Variants in DEPDC1 observed in about 807,000 individuals in gnomAD.
DEPDC1 encodes DEP domain-containing protein 1A.
Under a neutral mutation model 86.8 loss-of-function variants are expected in DEPDC1, and 66 were observed. That is an observed-to-expected ratio of 0.76 (90% CI 0.62 to 0.93). The LOEUF is 0.93. DEPDC1 is among the 40% of genes least tolerant of loss of function. The pLI, the probability that DEPDC1 is intolerant of heterozygous loss-of-function variation, is 0.00. For synonymous variants in DEPDC1, 255 were observed against 314.9 expected (o/e 0.81, Z 2.02); for missense variants, 792 against 935.7 (o/e 0.85, Z 2.00).
chr1:68,475,545 A>G lies in DEPDC1; in HGVS notation c.*1387T>C, dbSNP rs1469035759. On this transcript the variant is annotated 3_prime_UTR_variant, in exon 12 of 12. Coordinates refer to ENST00000456315, the MANE Select transcript of DEPDC1 (RefSeq NM_001114120.3). ...ATGGAATACTATCATTTTATAGAGA[A>G]ACAGTATGAAATTACATTGAGAAAT... The G allele has an allele frequency of 6.6e-6, 1 of 151,790 alleles. No homozygotes were observed. 9.4% of individuals were successfully genotyped at this position (151,790 alleles called of 1,614,324 possible).
chr1:68,476,976 G>A lies in DEPDC1; in HGVS notation c.2392C>T (p.Pro798Ser), dbSNP rs1646119906. ...LFGDKPTIKQ[P>S]MLILRKPKFR... is the part of the protein sequence containing the mutation. Reference sequence around the variant, plus strand: ...TTTGGTTTTCTTAAAATCAGCATTGGTTGCTTGATTGTAGGTTTGTCACCA... The same window carrying A: ...TTTGGTTTTCTTAAAATCAGCATTGATTGCTTGATTGTAGGTTTGTCACCA... The change falls in exon 12 of 12, where the codon CCA becomes TCA. Residue 798 changes from proline (P) to serine (S), a missense_variant. Transcript: ENST00000456315. 1.2e-6 allele frequency: 2 copies of A among 1,604,760 alleles called. No homozygotes were observed. Among genetic ancestry groups the A allele is most frequent in the Admixed American group, 3.4e-5 (2 of 59,232 alleles).
intron 10 of DEPDC1, among the ~76,000 whole-genome samples, chr1:68,478,751 T>C (rs1341810217): frequency 6.6e-6 from 1 of 151,944 alleles, no homozygotes; most frequent in Non-Finnish European, 1.5e-5. Flanking sequence ...AGGCCCTATC[T>C]CCATCCTACT....
intron 2 of DEPDC1, among the ~76,000 whole-genome samples, chr1:68,491,171 A>G (rs1646226735): frequency 1.3e-5 from 2 of 152,212 alleles, no homozygotes; most frequent in African/African-American, 2.4e-5. Flanking sequence ...AACAAAAGCA[A>G]AAATTGACAA....
rs749779790 is a variant in DEPDC1, at chr1:68,488,346, A to C, written c.721+28T>G. The stretch of plus-strand genomic sequence containing the variant: ...CTGCAACCTTGTTGGCAAGTTTTTA[A>C]AAGTCCAATTATTTTATTAATACCA... On this transcript the variant is annotated intron_variant, in intron 5 of 11. Transcript: ENST00000456315. The C allele has an allele frequency of 1.6e-5, 25 of 1,551,988 alleles. No homozygotes were observed. The Admixed American group carries it at 5.2e-4, about 32-fold the overall frequency.
Position 68,482,606 on chromosome 1 carries a change from T to G in DEPDC1, c.1202A>C (p.His401Pro), listed in dbSNP as rs1458463668. The G allele has an allele frequency of 3.7e-6, 6 of 1,612,984 alleles. No individual in the cohort carries two copies. The highest frequency in any genetic ancestry group is 5.1e-6 in the Non-Finnish European group (6 of 1,179,300). Residue 401 changes from histidine (H) to proline (P), a missense_variant, in exon 8 of 12, where the codon CAT (histidine) becomes CCT (proline). Coordinates refer to ENST00000456315, the MANE Select transcript of DEPDC1 (RefSeq NM_001114120.3). ...CATATTACTTAACCCTATTAAATTA[T>G]GACAACTTCCTCCCATTATGTCATT... ...SANDIMGGSC[H>P]NLIGLSNMHD...
chr1:68,495,868 A>G (rs1287602231), intron 1 of DEPDC1, among the ~76,000 whole-genome samples: 2 of 152,228 alleles, frequency 1.3e-5, no homozygotes, highest in Non-Finnish European at 2.9e-5. Context: ...ACTAGTAAGC[A>G]TTCAGTGCAT....
intron 5 of DEPDC1, among the ~76,000 whole-genome samples, chr1:68,488,170 T>C (rs11209305): frequency 0.47 from 71,593 of 151,608 alleles, 18,121 homozygotes; most frequent in Middle Eastern, 0.76. Context: ...TGAATTTATC[T>C]TAGCAGACAA....
intron 5 of DEPDC1, 75 bp downstream of exon 5, chr1:68,488,299 G>T: frequency 7.4e-7 from 1 of 1,352,402 alleles, no homozygotes; most frequent in South Asian, 1.8e-5. Context: ...CAATATTTGG[G>T]TCTCTCTTTA....
intron 8 of DEPDC1, 139 bp from the exon 9 acceptor site, chr1:68,481,751 T>C: frequency 1.4e-6 from 1 of 735,900 alleles, no homozygotes; most frequent in Non-Finnish European, 2.1e-6. Context: ...ATTACGTTCC[T>C]CTAAAGCATG....
chr1:68,480,291 T>G (rs1180097675), intron 9 of DEPDC1, among the ~76,000 whole-genome samples: 1 of 141,464 alleles, frequency 7.1e-6, no homozygotes, highest in Non-Finnish European at 1.6e-5. Flanking sequence ...CACCCCTCAT[T>G]CTAAAATACT....
In DEPDC1 at chr1:68,496,457, G is replaced by C. The variant is rs1282157984; in HGVS notation, c.48+495C>G. ...CAGAAATACCGTTTTGAAACAGGCAGCTGTTATCCTAGTGCTATTCGGCCG... is the reference window on the plus strand; with the variant it reads ...CAGAAATACCGTTTTGAAACAGGCACCTGTTATCCTAGTGCTATTCGGCCG... On this transcript the variant is annotated intron_variant, in intron 1 of 11. Coordinates refer to ENST00000456315, the MANE Select transcript of DEPDC1 (RefSeq NM_001114120.3). This position sits in a 1 kb window ranked among gnomAD's most constrained non-coding sequence, Gnocchi z 4.0. Among the ~76,000 whole-genome samples the C allele has an allele frequency of 6.6e-6, 1 of 152,206 alleles. No individual in the cohort carries two copies. The highest frequency in any genetic ancestry group is 1.5e-5 in the Non-Finnish European group (1 of 68,042).
At position 68,489,461 on chromosome 1, in the gene DEPDC1, A is replaced by T; in HGVS notation, c.462T>A (p.His154Gln). 1 of 1,502,530 alleles carries T rather than the reference A, an allele frequency of 6.7e-7. No individual in the cohort carries two copies. The allele number at this position is 1,502,530 out of a possible 1,614,324, so 93.1% of individuals were successfully genotyped here. Residue 154 changes from histidine (H) to glutamine (Q), a missense_variant, in exon 3 of 12, where the codon CAT becomes CAA. Transcript: ENST00000456315. Reference sequence around the variant, plus strand: ...TAAAAGGATGTGTTACCTGAGATAAATGTAATCCATGCCTTTTAGGAGTTC... The same window carrying T: ...TAAAAGGATGTGTTACCTGAGATAATTGTAATCCATGCCTTTTAGGAGTTC... Reference protein sequence around the residue: ...SRRTPKRHGLHLSQENGEKIK... With the variant: ...SRRTPKRHGLQLSQENGEKIK...
chr1:68,490,069 G>C (rs760054434), intron 2 of DEPDC1, among the ~76,000 whole-genome samples: 2 of 152,080 alleles, frequency 1.3e-5, no homozygotes, highest in African/African-American at 4.8e-5. Flanking sequence ...ACCCATGTAT[G>C]TAACTGGCAA....
chr1:68,483,143 C>A, intron 7 of DEPDC1: 1 of 550,030 alleles, frequency 1.8e-6, no homozygotes, highest in Non-Finnish European at 3.3e-6. Context: ...ATTTCAACAG[C>A]CTAATTAAAT....
chr1:68,482,083 A>T lies in DEPDC1; in HGVS notation c.1725T>A (p.Ser575=). ...TCAACATAGAAGAAGCTGGAAGTAAAGAATTTTCTGAAAGTTCTATTGTAC... is the reference window on the plus strand; with the variant it reads ...TCAACATAGAAGAAGCTGGAAGTAATGAATTTTCTGAAAGTTCTATTGTAC... ...CKSTIELSEN[S]LLPASSMLTG... is the part of the protein sequence containing the mutation. Residue 575 remains serine, a synonymous_variant, in exon 8 of 12, where the codon TCT becomes TCA. Transcript: ENST00000456315. 1 of 1,603,844 alleles carries T rather than the reference A, an allele frequency of 6.2e-7. No individual in the cohort carries two copies. Among genetic ancestry groups the T allele is most frequent in the Non-Finnish European group, 8.5e-7 (1 of 1,176,616 alleles).
chr1:68,479,122 T>G (rs2100243531), intron 10 of DEPDC1, 22 bp downstream of exon 10: 1 of 1,583,120 alleles, frequency 6.3e-7, no homozygotes, highest in East Asian at 2.3e-5. Context: ...TTGCAGAGAA[T>G]TTTAAGACTC....
chr1:68,493,726 G>C (rs1646243937), intron 2 of DEPDC1, among the ~76,000 whole-genome samples: 1 of 152,076 alleles, frequency 6.6e-6, no homozygotes, highest in Non-Finnish European at 1.5e-5. Flanking sequence ...TGTTATCATT[G>C]TTATTTTTTG....
chr1:68,474,445 TATG>T lies in DEPDC1; in HGVS notation c.*2484_*2486del, dbSNP rs1646101546. The T allele has an allele frequency of 6.6e-6, 1 of 152,064 alleles. No individual in the cohort carries two copies. Among genetic ancestry groups the T allele is most frequent in the Admixed American group, 6.6e-5 (1 of 15,236 alleles). 9.4% of individuals were successfully genotyped at this position (152,064 alleles called of 1,614,324 possible). On this transcript the variant is annotated 3_prime_UTR_variant, in exon 12 of 12. Transcript: ENST00000456315. ...ATAACATAAGAAGAGTGGGTCATTA[TATG>T]ATACCAATTAGAAGATATTAGGGAT...
Position 68,494,520 on chromosome 1 carries a change from A to T in DEPDC1, c.224T>A (p.Leu75Gln), listed in dbSNP as rs1441332612. The T allele has an allele frequency of 6.2e-7, 1 of 1,613,618 alleles. No individual in the cohort carries two copies. The highest frequency in any genetic ancestry group is 8.5e-7 in the Non-Finnish European group (1 of 1,179,784). ...PEVTRQQTIQ[L>Q]LRKFLKNHVI... ...ATGATTCTTAAGAAATTTCCTCAACAGTTGGATAGTCTGTTGCCTTGTAAC... is the reference window on the plus strand; with the variant it reads ...ATGATTCTTAAGAAATTTCCTCAACTGTTGGATAGTCTGTTGCCTTGTAAC... Residue 75 changes from leucine (L) to glutamine (Q), a missense_variant, in exon 2 of 12, where the codon CTG (leucine) becomes CAG (glutamine). Coordinates refer to ENST00000456315, the MANE Select transcript of DEPDC1 (RefSeq NM_001114120.3).
Sources: allele counts gnomAD v4.1 joint callset (sites outside exome capture counted in the v4.1 genomes callset), GRCh38; gene constraint gnomAD v4.1.1; non-coding constraint Gnocchi (gnomAD v3.1); transcripts MANE v1.5; gene names NCBI Gene and HGNC (gene_info 2026-07-23, HGNC 2026-07-21).